GIT2: variants seen among roughly 807,000 people sequenced by gnomAD.
GIT2 encodes the protein ARF GTPase-activating protein GIT2.
Under a neutral mutation model 100.3 loss-of-function variants are expected in GIT2, and 32 were observed. That is an observed-to-expected ratio of 0.32 (90% CI 0.24 to 0.43). GIT2 has a LOEUF of 0.43. GIT2 is among the 20% of genes least tolerant of loss of function. The pLI, the probability that GIT2 is intolerant of heterozygous loss-of-function variation, is 1.00. For synonymous variants in GIT2, 353 were observed against 364.1 expected (o/e 0.97, Z 0.35); for missense variants, 737 against 975.1 (o/e 0.76, Z 3.25).
rs535604529 is a variant in GIT2 at position 109,933,853 on chromosome 12, G to A, written c.2067+169C>T. The A allele has an allele frequency of 3.0e-5, 18 of 592,958 alleles. No individual in the cohort carries two copies. The highest frequency in any genetic ancestry group is 1.1e-4 in the Admixed American group (4 of 38,076). 36.7% of individuals were successfully genotyped at this position (592,958 alleles called of 1,614,324 possible). ...CGACCTCAGGTGATCTGCCTGTCTCGGCCTCCCAAAGTGCTGGGGTTACAG... is the reference window on the plus strand; with the variant it reads ...CGACCTCAGGTGATCTGCCTGTCTCAGCCTCCCAAAGTGCTGGGGTTACAG... On this transcript the variant is annotated intron_variant, in intron 19 of 19. Transcript: ENST00000355312. This position sits in a 1 kb window ranked among gnomAD's most constrained non-coding sequence, Gnocchi z 4.5.
intron 11 of GIT2, among the ~76,000 whole-genome samples, chr12:109,960,336 AG>A (rs1485364002): frequency 6.6e-6 from 1 of 152,210 alleles, no homozygotes; most frequent in African/African-American, 2.4e-5. Flanking sequence ...TTAAATTTTA[AG>A]TTTAGGCCGG....
intron 6 of GIT2, chr12:109,983,163 G>C (rs1886664768): frequency 2.0e-6 from 1 of 497,162 alleles, no homozygotes; most frequent in Non-Finnish European, 3.6e-6. Flanking sequence ...GTAAAAGACT[G>C]GAAGCTTAGC....
chr12:109,994,075 C>CAAAAAAAAAA (rs34393850), intron 1 of GIT2, among the ~76,000 whole-genome samples: 1 of 59,692 alleles, frequency 1.7e-5, no homozygotes, highest in Non-Finnish European at 3.7e-5. Context: ...ACACTAATGG[C>CAAAAAAAAAA]AAAAAAAAAA....
chr12:109,991,706 C>A lies in GIT2; in HGVS notation c.107G>T (p.Ser36Ile), dbSNP rs1373388933. The A allele has an allele frequency of 6.2e-7, 1 of 1,612,710 alleles. No individual in the cohort carries two copies. Among genetic ancestry groups the A allele is most frequent in the East Asian group, 2.2e-5 (1 of 44,884 alleles). The stretch of plus-strand genomic sequence containing the variant: ...ATGGCGCCCTAGACTCCGATGGACA[C>A]TGCAGCACTCATCACATAAAAACGT... ...RGTFLCDECC[S>I]VHRSLGRHIS... The change falls in exon 2 of 20, where the codon AGT becomes ATT. Residue 36 changes from serine to isoleucine, a missense_variant. Ser to Ile is a moderately radical substitution (Grantham distance 142, BLOSUM62 -2). Coordinates refer to ENST00000355312, the MANE Select transcript of GIT2 (RefSeq NM_057169.5).
In GIT2 at chr12:109,953,260, C is replaced by T. The variant is rs138070671; in HGVS notation, c.1100-26G>A. 4,479 of 1,610,836 alleles carry T rather than the reference C, an allele frequency of 2.8e-3. 9 individuals are homozygous for T. Among genetic ancestry groups the T allele is most frequent in the South Asian group, 3.7e-3 (332 of 90,700 alleles). ...CTATCAATAAAAGCAAACAACTTTA[C>T]TTCAGGCTTAAAACATTGCTTTTCT... On this transcript the variant is annotated intron_variant, in intron 12 of 19. Coordinates refer to ENST00000355312, the MANE Select transcript of GIT2 (RefSeq NM_057169.5).
intron 7 of GIT2, among the ~76,000 whole-genome samples, chr12:109,980,647 C>T (rs994555457): frequency 1.3e-5 from 2 of 152,114 alleles, no homozygotes; most frequent in African/African-American, 2.4e-5. Flanking sequence ...TCCTACATTC[C>T]TAGTCCCACC....
intron 4 of GIT2, 86 bp downstream of exon 4, chr12:109,988,876 AC>A: frequency 3.6e-6 from 2 of 559,602 alleles, no homozygotes; most frequent in Non-Finnish European, 6.3e-6. Flanking sequence ...AAAAAAGCCC[AC>A]AACCAGACTT....
In GIT2 at chr12:109,961,266, T is replaced by C. The variant is rs1357576930; in HGVS notation, c.987+12A>G. On this transcript the variant is annotated intron_variant, in intron 11 of 19. Coordinates refer to ENST00000355312, the MANE Select transcript of GIT2 (RefSeq NM_057169.5). ...CCCCAACTACTATTCCTTTCCAAAC[T>C]GAGCCACTTGCCTGATTTCGTGTTG... 5.4e-6 allele frequency: 8 copies of C among 1,493,424 alleles called. No individual in the cohort carries two copies. The highest frequency in any genetic ancestry group is 1.4e-5 in the African/African-American group (1 of 72,622). 92.5% of individuals were successfully genotyped at this position (1,493,424 alleles called of 1,614,324 possible).
Position 109,939,146 on chromosome 12 carries a change from G to A in GIT2, c.1814+19C>T, listed in dbSNP as rs200016860. On this transcript the variant is annotated intron_variant, in intron 17 of 19. Coordinates refer to ENST00000355312, the MANE Select transcript of GIT2 (RefSeq NM_057169.5). ...CCCTGGGGAGCCCCTCCCCTGGCAC[G>A]CTCGTCCTGTGCATGTACCCCATGC... The A allele has an allele frequency of 2.2e-5, 34 of 1,541,658 alleles. No homozygotes were observed. Among genetic ancestry groups the A allele is most frequent in the Admixed American group, 1.2e-4 (7 of 59,846 alleles).
At position 109,947,299 on chromosome 12, in the gene GIT2, C is replaced by T. The variant is rs745918777; in HGVS notation, c.1598G>A (p.Arg533His). The T allele has an allele frequency of 9.3e-6, 15 of 1,613,950 alleles. No homozygotes were observed. The Admixed American group carries it at 1.7e-4, about 18-fold the overall frequency. The change falls in exon 15 of 20, where the codon CGC becomes CAC. Residue 533 changes from arginine (R) to histidine (H), a missense_variant. Around this residue, in one of 3 missense-constraint regions of GIT2, gnomAD observed 451 missense variants for 543.7 expected, o/e 0.83. Coordinates refer to ENST00000355312, the MANE Select transcript of GIT2 (RefSeq NM_057169.5). The surrounding 1 kb of genome is among the most constrained non-coding windows in gnomAD (Gnocchi z 4.3). Reference protein sequence around the residue: ...KPYLPMGEASRPEESRMRLQP... With the variant: ...KPYLPMGEASHPEESRMRLQP... Reference sequence around the variant, plus strand: ...GAGTCTCATCCTGCTCTCTTCGGGGCGGCTCGCTTCTCCCATTGGGAGATA... The same window carrying T: ...GAGTCTCATCCTGCTCTCTTCGGGGTGGCTCGCTTCTCCCATTGGGAGATA...
rs541023458 is a variant in GIT2 at position 109,996,150 on chromosome 12, C to A, written c.52+23G>T. 330 of 1,467,032 alleles carry A rather than the reference C, an allele frequency of 2.2e-4. 4 individuals are homozygous for A. In the South Asian group the frequency reaches 3.9e-3, roughly 17 times the overall value. The allele number at this position is 1,467,032 out of a possible 1,614,324, so 90.9% of individuals were successfully genotyped here. On this transcript the variant is annotated intron_variant, in intron 1 of 19. Transcript: ENST00000355312. ...TCCGGGCCAGGAAAGCAGAGGGGAGCGGGCCCGGCCGGTGCGACTCACCCG... is the reference window on the plus strand; with the variant it reads ...TCCGGGCCAGGAAAGCAGAGGGGAGAGGGCCCGGCCGGTGCGACTCACCCG...
chr12:109,997,808 T>G (rs1328331439), upstream of GIT2: 2 of 152,224 alleles, frequency 1.3e-5, no homozygotes, highest in African/African-American at 4.8e-5. Context: ...AGAATAACAA[T>G]AGCTAACATG....
intron 4 of GIT2, among the ~76,000 whole-genome samples, chr12:109,985,727 C>A (rs903375695): frequency 1.3e-5 from 2 of 152,030 alleles, no homozygotes; most frequent in African/African-American, 4.8e-5. Flanking sequence ...GTGGTGGGCA[C>A]CTGTAATCCA....
chr12:109,936,802 G>A (rs1489112705), intron 18 of GIT2, among the ~76,000 whole-genome samples: 7 of 151,924 alleles, frequency 4.6e-5, no homozygotes, highest in East Asian at 3.9e-4. Flanking sequence ...CCAAGGAGGC[G>A]GAAGTTGCAG....
chr12:109,980,982 G>T lies in GIT2; in HGVS notation c.688C>A (p.Leu230Ile). 1 of 1,611,208 alleles carries T rather than the reference G, an allele frequency of 6.2e-7. No homozygotes were observed. The highest frequency in any genetic ancestry group is 1.3e-5 in the African/African-American group (1 of 74,982). The change falls in exon 7 of 20, where the codon CTA becomes ATA. Residue 230 changes from leucine to isoleucine, a missense_variant. By Grantham distance (5) the Leu-to-Ile change is conservative (BLOSUM62 2). Transcript: ENST00000355312. ...TTCCTGCCACAGAGATAGAAGGCTA[G>T]TCTGTCCGTTAGCTCATACTGTATT... ...VEIQYELTDR[L>I]AFYLCGRKPD...
chr12:109,990,242 A>C (rs1295956940), intron 2 of GIT2, among the ~76,000 whole-genome samples: 2 of 152,212 alleles, frequency 1.3e-5, no homozygotes, highest in East Asian at 3.8e-4. Context: ...TAATGTAACC[A>C]TTAAAAAAAA....
At chr12:109,993,510 A>T (rs899930469) in intron 1 of GIT2, among the ~76,000 whole-genome samples, 1 of 152,208 alleles carries the variant, frequency 6.6e-6, no homozygotes, top group African/African-American at 2.4e-5. Context: ...TTTGAACCCC[A>T]ACTCTGCCAC....
chr12:109,943,417 T>G (rs1320336831), intron 16 of GIT2, among the ~76,000 whole-genome samples: 1 of 152,162 alleles, frequency 6.6e-6, no homozygotes, highest in Non-Finnish European at 1.5e-5. Flanking sequence ...AACCTCCACT[T>G]CCCAGGTTCA....
chr12:109,960,425 C>T (rs944619715), intron 11 of GIT2, among the ~76,000 whole-genome samples: 2 of 151,932 alleles, frequency 1.3e-5, no homozygotes, highest in African/African-American at 2.4e-5. Context: ...GGACTTTGTA[C>T]AAAAATTAGC....
Sources: allele counts gnomAD v4.1 joint callset (sites outside exome capture counted in the v4.1 genomes callset), GRCh38; gene constraint gnomAD v4.1.1; regional missense constraint gnomAD v4.1.1; non-coding constraint Gnocchi (gnomAD v3.1); transcripts MANE v1.5; gene names NCBI Gene and HGNC (gene_info 2026-07-23, HGNC 2026-07-21).